Variants in DIS3L2 observed in about 807,000 individuals in gnomAD.
DIS3L2 encodes the protein DIS3-like exonuclease 2.
Under a neutral mutation model 97.5 loss-of-function variants are expected in DIS3L2, and 34 were observed. That is an observed-to-expected ratio of 0.35 (90% CI 0.27 to 0.46). DIS3L2 has a LOEUF of 0.46. Among genes scored for constraint, DIS3L2 ranks in the 20% least tolerant of loss-of-function variants. The pLI, the probability that DIS3L2 is intolerant of heterozygous loss-of-function variation, is 1.00. For synonymous variants in DIS3L2, 435 were observed against 445.2 expected, an observed-to-expected ratio of 0.98 and a Z score of 0.29; for missense variants, 1,038 against 1,146.0, an observed-to-expected ratio of 0.91 and a Z score of 1.36.
At chr2:232,010,990 G>GT (rs1315187075) in intron 1 of DIS3L2, among the ~76,000 whole-genome samples, 2 of 152,178 alleles carry the variant, frequency 1.3e-5, no homozygotes, top group Non-Finnish European at 2.9e-5. Flanking sequence ...TCAAGACACC[G>GT]TTTATTTCAC....
chr2:232,219,548 C>G (rs986993373), intron 10 of DIS3L2, among the ~76,000 whole-genome samples: 1 of 152,136 alleles, frequency 6.6e-6, no homozygotes, highest in Non-Finnish European at 1.5e-5. Context: ...TTGGGCATAC[C>G]TTTCCCTTAT....
chr2:232,333,191 TCCTC>T (rs1695810008), intron 16 of DIS3L2, among the ~76,000 whole-genome samples: 1 of 48,228 alleles, frequency 2.1e-5, no homozygotes, highest in Non-Finnish European at 3.5e-5. Flanking sequence ...CTCCTCCTCC[TCCTC>T]CTCCTCCTCC....
chr2:232,155,491 T>C (rs985627607), intron 8 of DIS3L2, among the ~76,000 whole-genome samples: 2 of 152,216 alleles, frequency 1.3e-5, no homozygotes, highest in East Asian at 3.9e-4. Context: ...TAGAAATCTT[T>C]ATCTTTGAAA....
intron 13 of DIS3L2, among the ~76,000 whole-genome samples, chr2:232,286,516 T>C (rs1284436586): frequency 6.6e-6 from 1 of 152,208 alleles, no homozygotes; most frequent in Non-Finnish European, 1.5e-5. Context: ...TTTGGAAATA[T>C]TGAGTCCCAA....
intron 1 of DIS3L2, among the ~76,000 whole-genome samples, chr2:231,985,152 G>T (rs1693374435): frequency 6.6e-6 from 1 of 152,146 alleles, no homozygotes; most frequent in Non-Finnish European, 1.5e-5. Flanking sequence ...TGTCACATCT[G>T]TAGATTGTGT....
intron 9 of DIS3L2, among the ~76,000 whole-genome samples, chr2:232,168,096 A>G (rs1480619238): frequency 6.6e-6 from 1 of 152,158 alleles, no homozygotes; most frequent in Non-Finnish European, 1.5e-5. Flanking sequence ...GTTTAAGTCT[A>G]TGGATATGAA....
At chr2:232,235,231 A>C (rs1692900981) in intron 10 of DIS3L2, among the ~76,000 whole-genome samples, 2 of 152,224 alleles carry the variant, frequency 1.3e-5, no homozygotes, top group South Asian at 4.1e-4. Context: ...TTTTAAATTT[A>C]AAAATATTTT....
At chr2:232,330,274 G>C (rs556175275) in intron 15 of DIS3L2, among the ~76,000 whole-genome samples, 147 of 152,328 alleles carry the variant, frequency 9.7e-4, no homozygotes, top group Non-Finnish European at 1.8e-3. Context: ...GCTGGTCTTG[G>C]GCCCAGAGGC....
intron 5 of DIS3L2, among the ~76,000 whole-genome samples, chr2:232,079,016 A>G (rs1047010174): frequency 6.6e-6 from 1 of 152,356 alleles, no homozygotes; most frequent in East Asian, 1.9e-4. Flanking sequence ...CTGGCTGTTT[A>G]TTTGAAAGAC....
intron 10 of DIS3L2, among the ~76,000 whole-genome samples, chr2:232,232,282 G>T (rs187622970): frequency 1.0e-3 from 152 of 152,284 alleles, no homozygotes; most frequent in African/African-American, 3.6e-3. Context: ...CCAGGTCTGG[G>T]CTGCGTGCTC....
intron 8 of DIS3L2, among the ~76,000 whole-genome samples, chr2:232,163,149 A>G (rs1216839900): frequency 1.3e-5 from 2 of 152,212 alleles, no homozygotes; most frequent in Non-Finnish European, 2.9e-5. Flanking sequence ...ATTGATCATA[A>G]TATCAATTTT....
chr2:232,202,228 T>A (rs1018375623), intron 9 of DIS3L2, among the ~76,000 whole-genome samples: 24 of 152,152 alleles, frequency 1.6e-4, no homozygotes, highest in Non-Finnish European at 8.8e-5. Context: ...TGAAACCCCA[T>A]CTCTACTAAA....
intron 14 of DIS3L2, among the ~76,000 whole-genome samples, chr2:232,321,698 A>AG (rs1315646855): frequency 3.9e-5 from 6 of 152,168 alleles, no homozygotes; most frequent in Admixed American, 3.3e-4. Context: ...GGCAACCAGG[A>AG]GGGGGCAGCC....
intron 1 of DIS3L2, among the ~76,000 whole-genome samples, chr2:232,006,077 A>C (rs989728450): frequency 2.0e-5 from 3 of 152,196 alleles, no homozygotes; most frequent in Admixed American, 6.5e-5. Flanking sequence ...AGTCCTAGCT[A>C]CTTGGAGGCT....
At chr2:231,963,606 C>G (rs537489040) in intron 1 of DIS3L2, among the ~76,000 whole-genome samples, 111 of 152,284 alleles carry the variant, frequency 7.3e-4, no homozygotes, top group African/African-American at 2.5e-3. Flanking sequence ...TTAGTTCCAA[C>G]TTGTCAATTT....
chr2:232,239,695 G>A (rs1693027303), intron 11 of DIS3L2, among the ~76,000 whole-genome samples: 1 of 152,164 alleles, frequency 6.6e-6, no homozygotes, highest in Non-Finnish European at 1.5e-5. Flanking sequence ...CTAGAATGCA[G>A]CACCACAGGT....
At chr2:231,974,582 A>C (rs1251328883) in intron 1 of DIS3L2, among the ~76,000 whole-genome samples, 1 of 148,654 alleles carries the variant, frequency 6.7e-6, no homozygotes, top group East Asian at 1.9e-4. Flanking sequence ...TAACATAGCC[A>C]GTCTTTAGCT....
chr2:231,966,641 A>ATTTTTTTTTTTTTTTT (rs36151054), intron 1 of DIS3L2, among the ~76,000 whole-genome samples: 20 of 50,392 alleles, frequency 4.0e-4, no homozygotes, highest in Non-Finnish European at 6.1e-4. Flanking sequence ...GTTAAAAAAC[A>ATTTTTTTTTTTTTTTT]TTTTTTTTTT....
At chr2:232,198,321 TTATAGATTG>T (rs1691811441) in intron 9 of DIS3L2, among the ~76,000 whole-genome samples, 1 of 152,222 alleles carries the variant, frequency 6.6e-6, no homozygotes, top group Non-Finnish European at 1.5e-5. Flanking sequence ...TGAGAAGATT[TTATAGATTG>T]TATAGAACTT....
Sources: gnomAD v4.1 joint callset for allele counts (sites outside exome capture counted in the v4.1 genomes callset) on GRCh38, gnomAD v4.1.1 for gene constraint, MANE v1.5 for transcripts, NCBI Gene and HGNC (gene_info 2026-07-23, HGNC 2026-07-21) for gene names.